HCN1: variants seen among roughly 807,000 people sequenced by gnomAD.
The protein encoded by HCN1 is potassium/sodium hyperpolarization-activated cyclic nucleotide-gated channel 1.
HCN1 carries 13 observed loss-of-function variants against 78.9 expected under a neutral mutation model. The ratio of observed to expected loss-of-function variants is 0.16; its 90% CI spans 0.11 to 0.26. The LOEUF (loss-of-function observed/expected upper bound fraction) is 0.26. HCN1 is among the 10% of genes least tolerant of loss of function. The probability of loss-of-function intolerance (pLI) is 1.00; values close to 1 mark genes in which losing one functional copy is unlikely to be tolerated. For missense variants in HCN1, 810 were observed against 1,154.3 expected (o/e 0.70, Z 4.32); for synonymous variants, 552 against 455.5 (o/e 1.21, Z -2.70).
At chr5:45,587,289 G>C (rs897683671) in intron 2 of HCN1, among the ~76,000 whole-genome samples, 4 of 152,112 alleles carry the variant, frequency 2.6e-5, no homozygotes, top group Non-Finnish European at 5.9e-5. Context: ...GCAAAGACTT[G>C]GAACCAACCC....
intron 2 of HCN1, among the ~76,000 whole-genome samples, chr5:45,487,411 T>C (rs1246605075): frequency 6.6e-6 from 1 of 152,108 alleles, no homozygotes; most frequent in Non-Finnish European, 1.5e-5. Context: ...GCATTGTACA[T>C]TTAAAAGGTT....
intron 5 of HCN1, among the ~76,000 whole-genome samples, chr5:45,310,128 C>A (rs1745821363): frequency 6.6e-6 from 1 of 151,730 alleles, no homozygotes; most frequent in Admixed American, 6.6e-5. Context: ...TAATGAAGAC[C>A]CCAAAAGCAA....
At chr5:45,467,970 G>A (rs1741312071) in intron 2 of HCN1, among the ~76,000 whole-genome samples, 2 of 152,008 alleles carry the variant, frequency 1.3e-5, no homozygotes, top group African/African-American at 2.4e-5. Flanking sequence ...GAGCTGGCCT[G>A]CCTTACAGGG....
At chr5:45,500,648 C>T (rs1169295620) in intron 2 of HCN1, among the ~76,000 whole-genome samples, 6 of 152,122 alleles carry the variant, frequency 3.9e-5, no homozygotes, top group Non-Finnish European at 7.4e-5. Flanking sequence ...AATAATTTAT[C>T]TCATCTTAAC....
At chr5:45,557,376 T>G (rs1743492480) in intron 2 of HCN1, among the ~76,000 whole-genome samples, 1 of 152,152 alleles carries the variant, frequency 6.6e-6, no homozygotes, top group Non-Finnish European at 1.5e-5. Context: ...TTTGTAGTGC[T>G]GCTGACTTCT....
At chr5:45,424,758 T>TC (rs1182779976) in intron 3 of HCN1, among the ~76,000 whole-genome samples, 3 of 152,184 alleles carry the variant, frequency 2.0e-5, no homozygotes, top group Non-Finnish European at 2.9e-5. Flanking sequence ...ATTTTAGTTC[T>TC]CCATTAATGA....
intron 2 of HCN1, among the ~76,000 whole-genome samples, chr5:45,550,792 T>A (rs553128112): frequency 1.3e-5 from 2 of 152,042 alleles, no homozygotes; most frequent in Non-Finnish European, 2.9e-5. Flanking sequence ...ATTTAATCCA[T>A]TGTGGTAGCA....
At chr5:45,690,733 G>A (rs559720140) in intron 1 of HCN1, among the ~76,000 whole-genome samples, 1 of 152,064 alleles carries the variant, frequency 6.6e-6, no homozygotes, top group South Asian at 2.1e-4. Flanking sequence ...AAAATATATA[G>A]TGTCAGCCTA....
At chr5:45,553,582 C>A (rs940546224) in intron 2 of HCN1, among the ~76,000 whole-genome samples, 1 of 151,826 alleles carries the variant, frequency 6.6e-6, no homozygotes, top group East Asian at 1.9e-4. Context: ...CCCATAGACA[C>A]CAAAATCCAC....
intron 3 of HCN1, among the ~76,000 whole-genome samples, chr5:45,412,545 A>G (rs1489623337): frequency 6.6e-6 from 1 of 152,042 alleles, no homozygotes; most frequent in Non-Finnish European, 1.5e-5. Flanking sequence ...CTACTCAGAA[A>G]TCTCTCCCAT....
At chr5:45,685,401 T>C (rs755459501) in intron 1 of HCN1, among the ~76,000 whole-genome samples, 9 of 152,180 alleles carry the variant, frequency 5.9e-5, no homozygotes, top group African/African-American at 1.7e-4. Context: ...CTGGAAAATT[T>C]TGCAGAAACA....
At chr5:45,686,236 C>CTT (rs879793814) in intron 1 of HCN1, among the ~76,000 whole-genome samples, 1 of 143,132 alleles carries the variant, frequency 7.0e-6, no homozygotes, top group Non-Finnish European at 1.5e-5. Flanking sequence ...TATGCCCAGT[C>CTT]TTTTTTTTTT....
chr5:45,352,657 T>A (rs1373024602), intron 5 of HCN1, among the ~76,000 whole-genome samples: 1 of 151,368 alleles, frequency 6.6e-6, no homozygotes, highest in East Asian at 1.9e-4. Context: ...AGCAAAGAGG[T>A]GGTTATTAAT....
At chr5:45,516,025 TCAAA>T (rs2111768180) in intron 2 of HCN1, among the ~76,000 whole-genome samples, 1 of 152,108 alleles carries the variant, frequency 6.6e-6, no homozygotes, top group South Asian at 2.1e-4. Context: ...TTGAGAAACC[TCAAA>T]CAGCTATTTT....
At chr5:45,584,568 C>T (rs929905952) in intron 2 of HCN1, among the ~76,000 whole-genome samples, 2 of 152,114 alleles carry the variant, frequency 1.3e-5, no homozygotes, top group Non-Finnish European at 2.9e-5. Context: ...TTGATCCTGT[C>T]ATTATAATGT....
At chr5:45,313,911 G>A (rs928881964) in intron 5 of HCN1, among the ~76,000 whole-genome samples, 7 of 152,176 alleles carry the variant, frequency 4.6e-5, no homozygotes, top group African/African-American at 1.2e-4. Flanking sequence ...TGAAAGTGAC[G>A]GAGAGAATAC....
intron 5 of HCN1, among the ~76,000 whole-genome samples, chr5:45,315,764 C>T (rs917948558): frequency 6.6e-6 from 1 of 152,050 alleles, no homozygotes; most frequent in African/African-American, 2.4e-5. Flanking sequence ...TACAGACTAC[C>T]ATCAGAGAAT....
chr5:45,569,562 T>A (rs1743782761), intron 2 of HCN1, among the ~76,000 whole-genome samples: 1 of 152,040 alleles, frequency 6.6e-6, no homozygotes, highest in Admixed American at 6.6e-5. Flanking sequence ...ATTAATTTAA[T>A]TTAATCTCAA....
chr5:45,292,367 T>C (rs184067719), intron 6 of HCN1, among the ~76,000 whole-genome samples: 1 of 152,126 alleles, frequency 6.6e-6, no homozygotes, highest in Non-Finnish European at 1.5e-5. Context: ...TTTTAAATGC[T>C]CAACTGCTAT....
Sources: allele counts gnomAD v4.1 joint callset (sites outside exome capture counted in the v4.1 genomes callset), GRCh38; gene constraint gnomAD v4.1.1; transcripts MANE v1.5; gene names NCBI Gene and HGNC (gene_info 2026-07-23, HGNC 2026-07-21).